Variants in PROCR observed in about 807,000 individuals in gnomAD.
PROCR encodes endothelial protein C receptor.
A neutral mutation model predicts 24.2 loss-of-function variants in PROCR; 22 were observed. The ratio of observed to expected loss-of-function variants is 0.91; its 90% CI spans 0.65 to 1.30. The LOEUF is 1.30. Among genes scored for constraint, PROCR ranks in the 50% most tolerant of loss-of-function variants. The pLI, the probability that PROCR is intolerant of heterozygous loss-of-function variation, is 0.00. For missense variants in PROCR, 288 were observed against 307.7 expected, an observed-to-expected ratio of 0.94 and a Z score of 0.48; for synonymous variants, 137 against 139.2, an observed-to-expected ratio of 0.98 and a Z score of 0.11.
intron 1 of PROCR, among the ~76,000 whole-genome samples, chr20:35,214,534 A>G (rs982676546): frequency 6.6e-6 from 1 of 151,722 alleles, no homozygotes; most frequent in African/African-American, 2.4e-5. Context: ...AAAAAATACA[A>G]AAAAATTAGC....
At chr20:35,178,641 A>G (rs1449451571), downstream of PROCR, among the ~76,000 whole-genome samples, 42 of 116,620 alleles carry the variant, frequency 3.6e-4, no homozygotes, top group Admixed American at 2.8e-4. Context: ...TCAGCCTCCC[A>G]AGTAGCTGGG....
chr20:35,192,912 T>C (rs570518259), intron 1 of PROCR, among the ~76,000 whole-genome samples: 6 of 152,298 alleles, frequency 3.9e-5, no homozygotes. Flanking sequence ...AAACAAATTA[T>C]ACTATATTTA....
intron 1 of PROCR, among the ~76,000 whole-genome samples, chr20:35,208,794 G>A (rs1015743016): frequency 1.3e-5 from 2 of 152,084 alleles, no homozygotes; most frequent in Non-Finnish European, 2.9e-5. Context: ...GGCCAACATG[G>A]TGAAACCCCA....
chr20:35,174,769 C>T lies in PROCR; in HGVS notation c.138C>T (p.Gly46=). The T allele has an allele frequency of 6.2e-7, 1 of 1,614,102 alleles. No individual in the cohort carries two copies. Among genetic ancestry groups the T allele is most frequent in the Non-Finnish European group, 8.5e-7 (1 of 1,180,018 alleles). ...ACCCCTATCACGTGTGGTACCAGGG[C>T]AACGCGTCGCTGGGGGGACACCTAA... ...FRDPYHVWYQ[G]NASLGGHLTH... The change falls in exon 2 of 4, where the codon GGC becomes GGT. Residue 46 remains glycine (G), a synonymous_variant. Coordinates refer to ENST00000216968, the MANE Select transcript of PROCR (RefSeq NM_006404.5).
Position 35,176,696 on chromosome 20 carries a change from A to C in PROCR, c.602-2A>C. The C allele has an allele frequency of 6.2e-7, 1 of 1,606,710 alleles. No homozygotes were observed. Among genetic ancestry groups the C allele is most frequent in the Non-Finnish European group, 8.5e-7 (1 of 1,176,438 alleles). ...CGGGCTAACTCTTTGCATGTTCTGCAGGGAGCCAAACAAGCCGCTCCTACA... is the reference window on the plus strand; with the variant it reads ...CGGGCTAACTCTTTGCATGTTCTGCCGGGAGCCAAACAAGCCGCTCCTACA... On this transcript the variant is annotated splice_acceptor_variant, in intron 3 of 3. Transcript: ENST00000216968. LOFTEE classifies it high-confidence loss of function.
At chr20:35,207,160 A>G (rs2060345635) in intron 1 of PROCR, among the ~76,000 whole-genome samples, 1 of 152,156 alleles carries the variant, frequency 6.6e-6, no homozygotes, top group Non-Finnish European at 1.5e-5. Context: ...AATAGAGAAC[A>G]TATCAGTGTT....
intron 1 of PROCR, among the ~76,000 whole-genome samples, chr20:35,188,551 AATAC>A (rs776960463): frequency 6.6e-5 from 10 of 152,328 alleles, no homozygotes; most frequent in Admixed American, 3.9e-4. Flanking sequence ...GAAAGAGTCC[AATAC>A]ATGTGTTTTG....
intron 1 of PROCR, among the ~76,000 whole-genome samples, chr20:35,194,700 A>C (rs1369600662): frequency 6.6e-6 from 1 of 152,240 alleles, no homozygotes; most frequent in African/African-American, 2.4e-5. Context: ...ATAAATCACC[A>C]TCTGACTGTC....
intron 1 of PROCR, among the ~76,000 whole-genome samples, chr20:35,194,792 C>T (rs903381807): frequency 1.3e-5 from 2 of 152,308 alleles, no homozygotes; most frequent in Admixed American, 1.3e-4. Context: ...CAACCACCCA[C>T]AGCAGGTGAG....
chr20:35,181,462 A>G (rs1484245961), downstream of PROCR, among the ~76,000 whole-genome samples: 1 of 148,518 alleles, frequency 6.7e-6, no homozygotes, highest in Admixed American at 6.7e-5. Flanking sequence ...TTTAGTAGTG[A>G]CGGGGTTTCA....
chr20:35,173,479 G>A (rs1426442227), intron 1 of PROCR, among the ~76,000 whole-genome samples: 1 of 142,818 alleles, frequency 7.0e-6, no homozygotes, highest in Non-Finnish European at 1.5e-5. Context: ...ACCCAGGCTG[G>A]AATGCAGTGG....
intron 1 of PROCR, among the ~76,000 whole-genome samples, chr20:35,198,157 T>C (rs1231205901): frequency 5.3e-5 from 8 of 150,826 alleles, no homozygotes; most frequent in African/African-American, 1.9e-4. Flanking sequence ...CTGGGCATAG[T>C]AGCGGGTGCC....
intron 1 of PROCR, among the ~76,000 whole-genome samples, chr20:35,208,013 T>A (rs2060348718): frequency 6.6e-6 from 1 of 152,186 alleles, no homozygotes; most frequent in African/African-American, 2.4e-5. Flanking sequence ...TGAGAATCCA[T>A]TTATTGGGTT....
chr20:35,185,732 G>A (rs1369992065), intron 1 of PROCR, among the ~76,000 whole-genome samples: 1 of 152,150 alleles, frequency 6.6e-6, no homozygotes, highest in African/African-American at 2.4e-5. Flanking sequence ...GGGGACTTGG[G>A]GCAAAGAGTG....
chr20:35,178,507 G>GTTTTGTTTTTTT (rs1272557859), downstream of PROCR, among the ~76,000 whole-genome samples: 4 of 34,376 alleles, frequency 1.2e-4, 1 homozygote, highest in African/African-American at 5.5e-4. Context: ...TCAAGTCTCA[G>GTTTTGTTTTTTT]TTTTTTTTTT....
intron 1 of PROCR, among the ~76,000 whole-genome samples, chr20:35,173,423 C>CTTTTTTTTTTTTT (rs58785250): frequency 6.8e-5 from 6 of 88,152 alleles, no homozygotes; most frequent in Non-Finnish European, 9.1e-5. Context: ...TTTCTTTTTT[C>CTTTTTTTTTTTTT]TTTTTTTTTT....
chr20:35,213,159 C>T (rs2060368347), intron 1 of PROCR, among the ~76,000 whole-genome samples: 3 of 152,070 alleles, frequency 2.0e-5, no homozygotes, highest in Admixed American at 6.5e-5. Flanking sequence ...GGCAAAACCG[C>T]GTCTCTACAA....
downstream of PROCR, among the ~76,000 whole-genome samples, chr20:35,180,446 G>A (rs917271375): frequency 6.6e-6 from 1 of 152,060 alleles, no homozygotes; most frequent in Non-Finnish European, 1.5e-5. Flanking sequence ...ATAAAAGTTC[G>A]GTCATTTTGG....
Position 35,211,385 on chromosome 20 carries a change from C to A in PROCR, c.95-4508C>A, listed in dbSNP as rs1232269879. On this transcript the variant is annotated intron_variant, in intron 1 of 1. Transcript: ENST00000634509. The stretch of plus-strand genomic sequence containing the variant: ...GCGGGAGCCTCCAAAATTTTCAGGT[C>A]CAGGTACCTCCCACCCCTTCAAGGG... Among the ~76,000 whole-genome samples the A allele has an allele frequency of 2.6e-5, 4 of 152,118 alleles. No individual in the cohort carries two copies. In the East Asian group the frequency reaches 7.7e-4, roughly 29 times the overall value.
Sources: allele counts gnomAD v4.1 joint callset (sites outside exome capture counted in the v4.1 genomes callset), GRCh38; gene constraint gnomAD v4.1.1; transcripts MANE v1.5; gene names NCBI Gene and HGNC (gene_info 2026-07-23, HGNC 2026-07-21).